Variants in DSG2 observed in about 807,000 individuals in gnomAD.
DSG2 encodes desmoglein-2.
Under a neutral mutation model 75.6 loss-of-function variants are expected in DSG2, and 45 were observed. The observed-to-expected ratio is 0.60, with a 90% CI of 0.47 to 0.76. The LOEUF (loss-of-function observed/expected upper bound fraction) is 0.76. DSG2 is among the 30% of genes least tolerant of loss of function. DSG2 has a pLI of 0.00. For missense variants in DSG2, 1,267 were observed against 1,357.4 expected, an observed-to-expected ratio of 0.93 and a Z score of 1.05; for synonymous variants, 429 against 483.9, an observed-to-expected ratio of 0.89 and a Z score of 1.49.
chr18:31,522,333 T>C (rs944888169), intron 6 of DSG2, 84 bp downstream of exon 6: 8 of 1,369,278 alleles, frequency 5.8e-6, no homozygotes, highest in Non-Finnish European at 8.3e-6. Flanking sequence ...AATTTTCTTA[T>C]TTTGTTCTGT....
intron 13 of DSG2, chr18:31,542,263 G>A (rs1304775340): frequency 1.3e-5 from 7 of 539,522 alleles, no homozygotes; most frequent in East Asian, 6.6e-5. Flanking sequence ...GCCATTGGTC[G>A]CATAGAGTAA....
intron 2 of DSG2, among the ~76,000 whole-genome samples, chr18:31,518,756 C>T (rs993674725): frequency 1.3e-5 from 2 of 151,378 alleles, no homozygotes; most frequent in Non-Finnish European, 2.9e-5. Context: ...TAGTGATAAC[C>T]AGAGTACATA....
At position 31,546,873 on chromosome 18, in the gene DSG2, T is replaced by C. The variant is rs2073316271; in HGVS notation, c.*130T>C. On this transcript the variant is annotated 3_prime_UTR_variant, in exon 15 of 15. Transcript: ENST00000261590. ...ATACACATTGATCTTAAAATTTTTC[T>C]CAGTCACTGATATGCAAAGGACCAC... 2 of 998,772 alleles carry C rather than the reference T, an allele frequency of 2.0e-6. No homozygotes were observed. Among genetic ancestry groups the C allele is most frequent in the Non-Finnish European group, 3.1e-6 (2 of 638,298 alleles). The allele number at this position is 998,772 out of a possible 1,614,324, so 61.9% of individuals were successfully genotyped here.
intron 8 of DSG2, among the ~76,000 whole-genome samples, chr18:31,530,129 G>C (rs2073185707): frequency 6.6e-6 from 1 of 152,060 alleles, no homozygotes; most frequent in South Asian, 2.1e-4. Flanking sequence ...GATATTAATA[G>C]GTATTATGCT....
In DSG2 at chr18:31,528,479, AG is replaced by A. The variant is rs2073175642; in HGVS notation, c.1015-2506del. 3.3e-5 allele frequency among the ~76,000 whole-genome samples: 5 copies of A among 152,098 alleles called. No individual in the cohort carries two copies. In the South Asian group the frequency reaches 8.3e-4, roughly 25 times the overall value. On this transcript the variant is annotated intron_variant, in intron 8 of 14. Transcript: ENST00000261590. The stretch of plus-strand genomic sequence containing the variant: ...GTAATCCCAGCACTTTGGGAGGCCG[AG>A]GTTGGGGGATCACCTGAGCTCAGGA...
At chr18:31,533,991 C>CTTTTTTTT (rs55789239) in intron 9 of DSG2, among the ~76,000 whole-genome samples, 11 of 125,936 alleles carry the variant, frequency 8.7e-5, no homozygotes, top group South Asian at 2.5e-4. Flanking sequence ...TCTTTTTTTT[C>CTTTTTTTT]TTTTTTTTTT....
At chr18:31,524,089 C>G (rs904896555) in intron 6 of DSG2, among the ~76,000 whole-genome samples, 2 of 152,216 alleles carry the variant, frequency 1.3e-5, no homozygotes, top group Non-Finnish European at 2.9e-5. Flanking sequence ...TTAGGACCAG[C>G]TTCTCCTCAC....
chr18:31,523,194 G>A (rs1451616351), intron 6 of DSG2, among the ~76,000 whole-genome samples: 1 of 152,164 alleles, frequency 6.6e-6, no homozygotes, highest in African/African-American at 2.4e-5. Flanking sequence ...AAGGTCAGGA[G>A]ATCGAGACCA....
At chr18:31,527,836 C>T (rs1373307582) in intron 8 of DSG2, among the ~76,000 whole-genome samples, 1 of 152,208 alleles carries the variant, frequency 6.6e-6, no homozygotes, top group Non-Finnish European at 1.5e-5. Context: ...AAAGCAGATG[C>T]AGTGTCTGGG....
Position 31,530,915 on chromosome 18 carries a change from CATGTAT to C in DSG2, c.1015-58_1015-53del, listed in dbSNP as rs144087957. On this transcript the variant is annotated intron_variant, in intron 8 of 14. Coordinates refer to ENST00000261590, the MANE Select transcript of DSG2 (RefSeq NM_001943.5). ...TATTGTATCTAACATTAAAACCACACATGTATATGTATATGTATACATGTCTTCTGT... is the reference window on the plus strand; with the variant it reads ...TATTGTATCTAACATTAAAACCACACATGTATATGTATACATGTCTTCTGT... The C allele has an allele frequency of 2.7e-3, 3,925 of 1,464,526 alleles. 90 individuals are homozygous for C. The African/African-American group carries it at 0.049, about 18-fold the overall frequency. 90.7% of individuals were successfully genotyped at this position (1,464,526 alleles called of 1,614,324 possible).
At chr18:31,539,928 C>T (rs966103839) in intron 12 of DSG2, among the ~76,000 whole-genome samples, 1 of 152,166 alleles carries the variant, frequency 6.6e-6, no homozygotes, top group South Asian at 2.1e-4. Flanking sequence ...CAAACTCTAT[C>T]GTGAACTACT....
At chr18:31,545,625 C>T in intron 14 of DSG2, 96 bp from the exon 15 acceptor site, 1 of 1,390,766 alleles carries the variant, frequency 7.2e-7, no homozygotes, top group Non-Finnish European at 9.9e-7. Context: ...CACATTACTG[C>T]ATTTTGAACA....
chr18:31,508,704 G>A (rs1021016651), intron 1 of DSG2, among the ~76,000 whole-genome samples: 13 of 152,120 alleles, frequency 8.5e-5, no homozygotes, highest in African/African-American at 2.7e-4. Context: ...CACTGAGCCC[G>A]GCCTGAATTG....
chr18:31,533,757 A>T (rs1314749386), intron 9 of DSG2, among the ~76,000 whole-genome samples: 4 of 152,248 alleles, frequency 2.6e-5, no homozygotes, highest in Non-Finnish European at 5.9e-5. Context: ...ATTTACTGGT[A>T]GCAGTATTAA....
chr18:31,500,413 C>T (rs1225428268), intron 1 of DSG2, among the ~76,000 whole-genome samples: 2 of 152,198 alleles, frequency 1.3e-5, no homozygotes, highest in Non-Finnish European at 2.9e-5. Flanking sequence ...CAGACCCATG[C>T]ATGCCACATC....
At chr18:31,501,663 C>A (rs1342321968) in intron 1 of DSG2, among the ~76,000 whole-genome samples, 1 of 152,164 alleles carries the variant, frequency 6.6e-6, no homozygotes, top group East Asian at 1.9e-4. Flanking sequence ...CTCTTTATAT[C>A]ATCTTCCCTC....
At position 31,548,631 on chromosome 18, in the gene DSG2, G is replaced by A. The variant is rs1250408121; in HGVS notation, c.*1888G>A. Reference sequence around the variant, plus strand: ...AGGTATATCACTAGTATATGAAAATGTAAATATCACTTGTGTACTCAAACA... The same window carrying A: ...AGGTATATCACTAGTATATGAAAATATAAATATCACTTGTGTACTCAAACA... On this transcript the variant is annotated 3_prime_UTR_variant, in exon 15 of 15. Transcript: ENST00000261590. The A allele has an allele frequency of 6.6e-6, 1 of 152,178 alleles. No individual in the cohort carries two copies. Among genetic ancestry groups the A allele is most frequent in the African/African-American group, 2.4e-5 (1 of 41,446 alleles). The allele number at this position is 152,178 out of a possible 1,614,324, so 9.4% of individuals were successfully genotyped here.
At chr18:31,541,142 A>C (rs1488993336) in intron 12 of DSG2, 51 bp from the exon 13 acceptor site, 1 of 1,612,654 alleles carries the variant, frequency 6.2e-7, no homozygotes, top group African/African-American at 1.3e-5. Flanking sequence ...ATATAAATTT[A>C]GAAATATATC....
At chr18:31,527,212 A>T (rs1437313907) in intron 8 of DSG2, among the ~76,000 whole-genome samples, 3 of 152,226 alleles carry the variant, frequency 2.0e-5, no homozygotes, top group Admixed American at 2.0e-4. Context: ...ATTGCCTACA[A>T]TATTCAGTAC....
Sources: gnomAD v4.1 joint callset for allele counts (sites outside exome capture counted in the v4.1 genomes callset) on GRCh38, gnomAD v4.1.1 for gene constraint, MANE v1.5 for transcripts, NCBI Gene and HGNC (gene_info 2026-07-23, HGNC 2026-07-21) for gene names.